Variants in CD24 observed in about 807,000 individuals in gnomAD.
CD24 encodes the protein signal transducer CD24.
In CD24, 2 loss-of-function variants were observed where a neutral mutation model predicts 3.6. The ratio of observed to expected loss-of-function variants is 0.56; its 90% confidence interval spans 0.23 to 1.77. CD24 has a LOEUF of 1.77. CD24 is among the 40% of genes most tolerant of loss of function. The probability of loss-of-function intolerance (pLI) is 0.18; values close to 1 mark genes in which losing one functional copy is unlikely to be tolerated. For missense variants in CD24, 62 were observed against 93.6 expected (o/e 0.66, Z 1.39); for synonymous variants, 33 against 44.9 (o/e 0.74, Z 1.06).
upstream of CD24, chr6:106,975,073 C>T (rs1773076273): frequency 6.6e-6 from 1 of 151,950 alleles, no homozygotes; most frequent in African/African-American, 2.4e-5. Context: ...ACGCGAGCCA[C>T]ACACGCCGCG....
In CD24 at chr6:106,974,572, C is replaced by A; in HGVS notation, c.69+6G>T. On this transcript the variant is annotated splice_donor_region_variant and intron_variant, in intron 1 of 1. Transcript: ENST00000606017. Reference sequence around the variant, plus strand: ...CCTCGAGCCCCGCCGGGCGCCAGGGCCTCACCTGCGTGGGTAGGAGCAGTG... The same window carrying A: ...CCTCGAGCCCCGCCGGGCGCCAGGGACTCACCTGCGTGGGTAGGAGCAGTG... 1 of 1,439,076 alleles carries A rather than the reference C, an allele frequency of 6.9e-7. No individual in the cohort carries two copies. The highest frequency in any genetic ancestry group is 1.5e-5 in the South Asian group (1 of 67,508). The allele number at this position is 1,439,076 out of a possible 1,614,324, so 89.1% of individuals were successfully genotyped here.
intron 1 of CD24, among the ~76,000 whole-genome samples, chr6:106,972,710 A>C (rs1773003993): frequency 6.6e-6 from 1 of 152,094 alleles, no homozygotes; most frequent in Non-Finnish European, 1.5e-5. Flanking sequence ...TCATGGAACA[A>C]AGGCAGATCG....
chr6:106,972,501 G>A (rs941671407), intron 1 of CD24, among the ~76,000 whole-genome samples: 6 of 152,092 alleles, frequency 3.9e-5, no homozygotes, highest in African/African-American at 1.4e-4. Context: ...CCATGAAGTC[G>A]GAACGATTTC....
chr6:106,971,566 A>G lies in CD24; in HGVS notation c.*95T>C. 1 of 792,746 alleles carries G rather than the reference A, an allele frequency of 1.3e-6. No individual in the cohort carries two copies. The highest frequency in any genetic ancestry group is 2.0e-6 in the Non-Finnish European group (1 of 492,242). 49.1% of individuals were successfully genotyped at this position (792,746 alleles called of 1,614,324 possible). ...TGTGGAATTAGTAGATTCGATGAAG[A>G]CCTGTTTTTCCTTGCCACATTGGAC... On this transcript the variant is annotated 3_prime_UTR_variant, in exon 2 of 2. Coordinates refer to ENST00000606017, the MANE Select transcript of CD24 (RefSeq NM_001359084.1).
At position 106,969,945 on chromosome 6, in the gene CD24, T is replaced by G. The variant is rs1470954583; in HGVS notation, c.*1716A>C. On this transcript the variant is annotated 3_prime_UTR_variant, in exon 2 of 2. Transcript: ENST00000606017. ...CACAAACACAATATACAATCCAAAA[T>G]AGATGTACAGCATTCTGGAATAAAG... 1 of 151,878 alleles carries G rather than the reference T, an allele frequency of 6.6e-6. No homozygotes were observed. The highest frequency in any genetic ancestry group is 2.4e-5 in the African/African-American group (1 of 41,240). The allele number at this position is 151,878 out of a possible 1,614,324, so 9.4% of individuals were successfully genotyped here.
intron 1 of CD24, chr6:106,973,910 C>T: frequency 2.5e-6 from 1 of 398,592 alleles, no homozygotes; most frequent in Admixed American, 4.4e-5. Flanking sequence ...ACTAGCCAAT[C>T]TGGGCTAAAA....
At chr6:106,973,447 A>G (rs1259360762) in intron 1 of CD24, 5 of 378,878 alleles carry the variant, frequency 1.3e-5, no homozygotes, top group Non-Finnish European at 2.3e-5. Context: ...ACTGGGAGGA[A>G]GACAATAGGG....
At chr6:106,974,949 G>A (rs1392265873), upstream of CD24, among the ~76,000 whole-genome samples, 1 of 148,622 alleles carries the variant, frequency 6.7e-6, no homozygotes, top group Admixed American at 6.7e-5. Flanking sequence ...CGCCGCTGCA[G>A]GTGGGCGGGC....
At chr6:106,974,793 G>A, upstream of CD24, 1 of 749,374 alleles carries the variant, frequency 1.3e-6, no homozygotes, top group East Asian at 3.5e-5. Context: ...GTGACGTGGC[G>A]CCGCCCGCCC....
chr6:106,973,876 G>A, intron 1 of CD24: 1 of 398,582 alleles, frequency 2.5e-6, no homozygotes, highest in Non-Finnish European at 4.4e-6. Flanking sequence ...GGACAGAATC[G>A]TCCCACCATG....
intron 1 of CD24, 107 bp from the exon 2 acceptor site, chr6:106,971,941 C>G (rs1289035740): frequency 5.4e-6 from 4 of 740,810 alleles, no homozygotes; most frequent in South Asian, 2.0e-5. Context: ...TGCTCTCTTA[C>G]CATTGTTCTC....
chr6:106,971,186 C>T lies in CD24; in HGVS notation c.*475G>A, dbSNP rs1396239793. ...GTCGAAACAATACGTTGAGGAATTA[C>T]AGTAACACCTGGAAGTTCCTTCTCA... On this transcript the variant is annotated 3_prime_UTR_variant, in exon 2 of 2. Transcript: ENST00000606017. 6.2e-6 allele frequency: 1 copy of T among 160,396 alleles called. No homozygotes were observed. The highest frequency in any genetic ancestry group is 1.3e-5 in the Non-Finnish European group (1 of 74,208). The allele number at this position is 160,396 out of a possible 1,614,324, so 9.9% of individuals were successfully genotyped here.
At position 106,971,758 on chromosome 6, in the gene CD24, T is replaced by C; in HGVS notation, c.146A>G (p.Asn49Ser). 4 of 1,551,432 alleles carry C rather than the reference T, an allele frequency of 2.6e-6. No individual in the cohort carries two copies. Among genetic ancestry groups the C allele is most frequent in the South Asian group, 2.4e-5 (2 of 84,026 alleles). The change falls in exon 2 of 2, where the codon AAT becomes AGT. Residue 49 changes from asparagine to serine, a missense_variant. Coordinates refer to ENST00000606017, the MANE Select transcript of CD24 (RefSeq NM_001359084.1). Reference protein sequence around the residue: ...QSTSNSGLAPNPTNATTKAAG... With the variant: ...QSTSNSGLAPSPTNATTKAAG... ...CGCCTTGGTGGTGGCATTAGTTGGA[T>C]TTGGGGCCAACCCAGAGTTGGAAGT... is the stretch of plus-strand genomic sequence containing the variant.
chr6:106,971,818 G>A lies in CD24; in HGVS notation c.86C>T (p.Thr29Ile). 1 of 1,548,266 alleles carries A rather than the reference G, an allele frequency of 6.5e-7. No individual in the cohort carries two copies. Among genetic ancestry groups the A allele is most frequent in the Non-Finnish European group, 8.7e-7 (1 of 1,144,456 alleles). Residue 29 changes from threonine to isoleucine, a missense_variant, in exon 2 of 2, where the codon ACA becomes ATA. Thr to Ile is a moderately conservative substitution (Grantham distance 89, BLOSUM62 -1). Transcript: ENST00000606017. Reference protein sequence around the residue: ...LLPTQIYSSETTTGTSSNSSQ... With the variant: ...LLPTQIYSSEITTGTSSNSSQ... ...GGAGTTACTTGAAGTTCCAGTTGTTGTTTCACTGGAATAAATCTAAAATAC... is the reference window on the plus strand; with the variant it reads ...GGAGTTACTTGAAGTTCCAGTTGTTATTTCACTGGAATAAATCTAAAATAC...
intron 1 of CD24, 31 bp from the exon 2 acceptor site, chr6:106,971,865 T>C (rs1772980647): frequency 2.8e-6 from 4 of 1,414,502 alleles, no homozygotes; most frequent in African/African-American, 2.9e-5. Context: ...CATGGATACA[T>C]TTCCACATCA....
chr6:106,973,666 G>C (rs1773028953), intron 1 of CD24: 1 of 398,740 alleles, frequency 2.5e-6, no homozygotes, highest in Non-Finnish European at 4.4e-6. Context: ...CCAAACAAAC[G>C]TACCTTCTTC....
chr6:106,971,785 C>T lies in CD24; in HGVS notation c.119G>A (p.Ser40Asn). 1 of 1,551,356 alleles carries T rather than the reference C, an allele frequency of 6.4e-7. No individual in the cohort carries two copies. The highest frequency in any genetic ancestry group is 8.7e-7 in the Non-Finnish European group (1 of 1,146,778). The change falls in exon 2 of 2, where the codon AGT (serine) becomes AAT (asparagine). Residue 40 changes from serine (S) to asparagine (N), a missense_variant. Coordinates refer to ENST00000606017, the MANE Select transcript of CD24 (RefSeq NM_001359084.1). ...TGGGGCCAACCCAGAGTTGGAAGTA[C>T]TCTGGGAGGAGTTACTTGAAGTTCC... ...TTGTSSNSSQ[S>N]TSNSGLAPNP...
intron 1 of CD24, 140 bp from the exon 2 acceptor site, chr6:106,971,974 G>C: frequency 3.1e-6 from 2 of 641,744 alleles, no homozygotes; most frequent in Non-Finnish European, 5.1e-6. Context: ...ATTAACTTCT[G>C]AATTCTTGCT....
At chr6:106,974,017 G>A in intron 1 of CD24, 1 of 397,758 alleles carries the variant, frequency 2.5e-6, no homozygotes, top group Non-Finnish European at 4.4e-6. Flanking sequence ...GCTTCAGCCC[G>A]GAACCGGGGT....
Sources: gnomAD v4.1 joint callset for allele counts (sites outside exome capture counted in the v4.1 genomes callset) on GRCh38, gnomAD v4.1.1 for gene constraint, MANE v1.5 for transcripts, NCBI Gene and HGNC (gene_info 2026-07-23, HGNC 2026-07-21) for gene names.